The following HEPH variants were observed in gnomAD, a reference collection of about 807,000 sequenced individuals.
The protein encoded by HEPH is hephaestin.
A neutral mutation model predicts 80.8 loss-of-function variants in HEPH; 69 were observed. That is an observed-to-expected ratio of 0.85 (90% CI 0.70 to 1.04). HEPH has a LOEUF of 1.04. Among genes scored for constraint, HEPH ranks in the 50% least tolerant of loss-of-function variants. The probability of loss-of-function intolerance (pLI) is 0.00; values close to 1 mark genes in which losing one functional copy is unlikely to be tolerated. For synonymous variants in HEPH, 431 were observed against 322.8 expected, an observed-to-expected ratio of 1.34 and a Z score of -3.60; for missense variants, 1,115 against 891.3, an observed-to-expected ratio of 1.25 and a Z score of -3.20.
intron 19 of HEPH, among the ~76,000 whole-genome samples, chrX:66,263,114 G>T (rs997332356): frequency 9.0e-6 from 1 of 111,460 alleles, no homozygotes; most frequent in South Asian, 3.8e-4. Context: ...AGAAATGATT[G>T]TAGTTCTAGC....
chrX:66,213,124 G>A (rs749721369), intron 15 of HEPH, among the ~76,000 whole-genome samples: 14 of 108,918 alleles, frequency 1.3e-4, no homozygotes, highest in Non-Finnish European at 2.3e-4. Flanking sequence ...ATGCTGGTGC[G>A]CTGTACCCAC....
At chrX:66,254,310 C>T (rs923940428) in intron 15 of HEPH, among the ~76,000 whole-genome samples, 2 of 110,415 alleles carry the variant, frequency 1.8e-5, no homozygotes, top group African/African-American at 3.3e-5. Flanking sequence ...ATAAGACCTG[C>T]CATTTGGTTA....
chrX:66,208,680 G>A (rs1272377848), intron 15 of HEPH, among the ~76,000 whole-genome samples: 1 of 69,486 alleles, frequency 1.4e-5, no homozygotes, highest in Non-Finnish European at 2.7e-5. Flanking sequence ...ATATATATGA[G>A]CTTAGAGACC....
intron 15 of HEPH, among the ~76,000 whole-genome samples, chrX:66,252,743 G>A (rs926804918): frequency 1.8e-5 from 2 of 112,157 alleles, no homozygotes; most frequent in African/African-American, 6.5e-5. Context: ...TGTGGCATTG[G>A]CATAAGGATA....
At chrX:66,188,270 C>T in intron 4 of HEPH, 89 bp from the exon 5 acceptor site, 6 of 660,620 alleles carry the variant, frequency 9.1e-6, no homozygotes, top group Non-Finnish European at 1.3e-5. Flanking sequence ...AGACCCCTCT[C>T]TTTCTATTCC....
chrX:66,266,432 C>A lies in HEPH; in HGVS notation c.3245-8C>A. On this transcript the variant is annotated splice_polypyrimidine_tract_variant and splice_region_variant and intron_variant, in intron 20 of 20. Transcript: ENST00000343002. ...CCAGGATGCCCATTTTTTTTTTCTCCATTTCAGCAGTGCCCCCCAGAGACA... is the reference window on the plus strand; with the variant it reads ...CCAGGATGCCCATTTTTTTTTTCTCAATTTCAGCAGTGCCCCCCAGAGACA... 8.4e-7 allele frequency: 1 copy of A among 1,188,055 alleles called. No homozygotes were observed. The highest frequency in any genetic ancestry group is 2.4e-4 in the Middle Eastern group (1 of 4,226).
upstream of HEPH, chrX:66,164,149 T>G (rs1033112250): frequency 1.4e-6 from 1 of 700,974 alleles, no homozygotes; most frequent in African/African-American, 2.4e-5. Context: ...CCCCTTGTAA[T>G]TCCTCCTGAG....
chrX:66,223,342 T>A (rs1442149076), intron 15 of HEPH, among the ~76,000 whole-genome samples: 1 of 111,898 alleles, frequency 8.9e-6, no homozygotes, highest in Non-Finnish European at 1.9e-5. Context: ...CTTTAGCACC[T>A]ATTTTTATTA....
At chrX:66,193,468 G>A (rs1430464337) in intron 7 of HEPH, 34 bp from the exon 8 acceptor site, 2 of 1,033,264 alleles carry the variant, frequency 1.9e-6, no homozygotes, top group Non-Finnish European at 2.6e-6. Flanking sequence ...GATACCTAAT[G>A]AAATAATATC....
At chrX:66,191,050 G>C (rs1451535317) in intron 6 of HEPH, among the ~76,000 whole-genome samples, 1 of 111,705 alleles carries the variant, frequency 9.0e-6, no homozygotes, top group Admixed American at 9.5e-5. Context: ...TGAGGTTTTA[G>C]AGTAAAAATG....
At chrX:66,224,083 CCG>C (rs1161453858) in intron 15 of HEPH, among the ~76,000 whole-genome samples, 1 of 84,338 alleles carries the variant, frequency 1.2e-5, no homozygotes, top group African/African-American at 9.6e-5. Flanking sequence ...CCTCTTTCCC[CCG>C]CTTTTTTTTT....
At chrX:66,198,049 A>G (rs901576804) in intron 10 of HEPH, among the ~76,000 whole-genome samples, 155 bp downstream of exon 10, 1 of 112,064 alleles carries the variant, frequency 8.9e-6, no homozygotes, top group African/African-American at 3.2e-5. Flanking sequence ...TGGTGACCTC[A>G]TACTATCTTG....
At chrX:66,235,270 C>G (rs1464532681) in intron 15 of HEPH, among the ~76,000 whole-genome samples, 1 of 111,473 alleles carries the variant, frequency 9.0e-6, no homozygotes, top group Non-Finnish European at 1.9e-5. Context: ...AAATCATTGC[C>G]TTTTTGTAGA....
intron 4 of HEPH, among the ~76,000 whole-genome samples, chrX:66,187,691 G>T (rs999415771): frequency 9.0e-6 from 1 of 111,077 alleles, no homozygotes; most frequent in Non-Finnish European, 1.9e-5. Flanking sequence ...CAGAGGGTCT[G>T]TGGGTCCTCT....
At chrX:66,226,850 G>C (rs957284649) in intron 15 of HEPH, among the ~76,000 whole-genome samples, 1 of 111,364 alleles carries the variant, frequency 9.0e-6, no homozygotes, top group Non-Finnish European at 1.9e-5. Context: ...AATTCTATCA[G>C]ACATGCAAAG....
intron 7 of HEPH, 93 bp from the exon 8 acceptor site, chrX:66,193,409 A>G (rs887029720): frequency 5.5e-6 from 3 of 546,666 alleles, no homozygotes; most frequent in African/African-American, 4.8e-5. Flanking sequence ...CTTCCTAAAT[A>G]TAAAGATTCA....
chrX:66,263,363 T>C (rs935787082), intron 19 of HEPH, among the ~76,000 whole-genome samples: 3 of 111,115 alleles, frequency 2.7e-5, no homozygotes, highest in African/African-American at 9.8e-5. Context: ...AGAGCAATAA[T>C]GGGGATAGAG....
chrX:66,210,581 C>T (rs2089059795), intron 15 of HEPH, among the ~76,000 whole-genome samples: 1 of 110,657 alleles, frequency 9.0e-6, no homozygotes, highest in South Asian at 3.8e-4. Context: ...GATGGTGATC[C>T]AGGTACTAAA....
rs932950404 is a variant in HEPH at position 66,207,244 on chromosome X, T to A, written c.2341T>A (p.Tyr781Asn). ...CAAGGATGGGCTCCTGGGTTCCAGA[T>A]ACAAGAAAGCTGTATTCAGGGAATA... ...SNKDGLLGSR[Y>N]KKAVFREYTD... The change falls in exon 14 of 21, where the codon TAC becomes AAC. Residue 781 changes from tyrosine (Y) to asparagine (N), a missense_variant. Around this residue, in one of 3 missense-constraint regions of HEPH, gnomAD observed 716 missense variants for 523.5 expected, o/e 1.37. Transcript: ENST00000343002. 8.3e-7 allele frequency: 1 copy of A among 1,203,108 alleles called. No homozygotes were observed. The highest frequency in any genetic ancestry group is 1.1e-6 in the Non-Finnish European group (1 of 891,417).
Sources: gnomAD v4.1 joint callset for allele counts (sites outside exome capture counted in the v4.1 genomes callset) on GRCh38, gnomAD v4.1.1 for gene constraint, gnomAD v4.1.1 regional missense constraint, MANE v1.5 for transcripts, NCBI Gene and HGNC (gene_info 2026-07-23, HGNC 2026-07-21) for gene names.